ATXN1: variants seen among roughly 807,000 people sequenced by gnomAD.
ATXN1 encodes ataxin-1.
ATXN1 carries 8 observed loss-of-function variants against 56.4 expected under a neutral mutation model. The ratio of observed to expected loss-of-function variants is 0.14; its 90% confidence interval spans 0.08 to 0.26. The LOEUF (loss-of-function observed/expected upper bound fraction) is 0.26. ATXN1 is among the 10% of genes least tolerant of loss of function. The pLI is 1.00. For synonymous variants in ATXN1, 514 were observed against 494.6 expected (o/e 1.04, Z -0.52); for missense variants, 987 against 1,106.5 (o/e 0.89, Z 1.53).
intron 6 of ATXN1, among the ~76,000 whole-genome samples, chr6:16,388,395 A>G (rs150379512): frequency 6.6e-6 from 1 of 152,342 alleles, no homozygotes; most frequent in African/African-American, 2.4e-5. Context: ...ACTGAGGATC[A>G]AGTGGTGGTT....
At position 16,679,247 on chromosome 6, in the gene ATXN1, G is replaced by A. The variant is rs139728305; in HGVS notation, c.-614-21346C>T. ...GGATGAATAGATGGATGGATGGGTG[G>A]GTGGATGGATGGATGGATGAGTTAG... is the stretch of plus-strand genomic sequence containing the variant. On this transcript the variant is annotated intron_variant, in intron 2 of 7. Coordinates refer to ENST00000436367, the MANE Select transcript of ATXN1 (RefSeq NM_001128164.2). 3.7e-3 allele frequency among the ~76,000 whole-genome samples: 555 copies of A among 150,618 alleles called. 8 individuals carry two copies. Among genetic ancestry groups the A allele is most frequent in the African/African-American group, 0.013 (526 of 40,920 alleles).
At chr6:16,427,058 T>C (rs1389417198) in intron 6 of ATXN1, among the ~76,000 whole-genome samples, 1 of 152,116 alleles carries the variant, frequency 6.6e-6, no homozygotes, top group African/African-American at 2.4e-5. Context: ...GGAGGCATCT[T>C]TGTGGATGGA....
chr6:16,622,749 A>C (rs924357833), intron 3 of ATXN1, among the ~76,000 whole-genome samples: 2 of 152,184 alleles, frequency 1.3e-5, no homozygotes, highest in African/African-American at 4.8e-5. Flanking sequence ...CAGGGTACTT[A>C]GAAATTTCAT....
chr6:16,442,657 C>G (rs888808900), intron 6 of ATXN1, among the ~76,000 whole-genome samples: 46 of 152,234 alleles, frequency 3.0e-4, no homozygotes, highest in African/African-American at 1.0e-3. Flanking sequence ...AACCAATAAA[C>G]AACAGCTAAG....
intron 2 of ATXN1, among the ~76,000 whole-genome samples, chr6:16,710,105 G>T (rs984787871): frequency 2.6e-5 from 4 of 152,118 alleles, no homozygotes; most frequent in Non-Finnish European, 5.9e-5. Flanking sequence ...CTAACATCAT[G>T]ATGAAATAGT....
chr6:16,671,617 G>C (rs962277309), intron 2 of ATXN1, among the ~76,000 whole-genome samples: 1 of 152,002 alleles, frequency 6.6e-6, no homozygotes, highest in South Asian at 2.1e-4. Flanking sequence ...GATTAAAAAG[G>C]GACTCACAGA....
chr6:16,327,181 C>A lies in ATXN1; in HGVS notation c.1130G>T (p.Gly377Val). The A allele has an allele frequency of 6.2e-7, 1 of 1,613,924 alleles. No homozygotes were observed. Among genetic ancestry groups the A allele is most frequent in the Non-Finnish European group, 8.5e-7 (1 of 1,180,024 alleles). ...PSDYSSRDPSGVRASVMVLPN... is the reference protein window; with the variant it reads ...PSDYSSRDPSVVRASVMVLPN... Reference sequence around the variant, plus strand: ...CAGGACCATCACAGAGGCCCGGACCCCCGAAGGATCACGACTGCTGTAGTC... The same window carrying A: ...CAGGACCATCACAGAGGCCCGGACCACCGAAGGATCACGACTGCTGTAGTC... The change falls in exon 7 of 8, where the codon GGG (glycine) becomes GTG (valine). Residue 377 changes from glycine (G) to valine (V), a missense_variant. By Grantham distance (109) the Gly-to-Val change is moderately radical. Transcript: ENST00000436367.
intron 5 of ATXN1, among the ~76,000 whole-genome samples, chr6:16,521,102 G>T (rs1003354334): frequency 1.3e-5 from 2 of 152,064 alleles, no homozygotes; most frequent in Admixed American, 6.5e-5. Context: ...ACAATTTGAA[G>T]CCAGATTTAA....
At chr6:16,395,141 C>T (rs1038030625) in intron 6 of ATXN1, among the ~76,000 whole-genome samples, 3 of 151,914 alleles carry the variant, frequency 2.0e-5, no homozygotes, top group South Asian at 2.1e-4. Flanking sequence ...CATGGTGGCT[C>T]ATGCCTGTAA....
intron 6 of ATXN1, among the ~76,000 whole-genome samples, chr6:16,446,829 G>A (rs552907117): frequency 2.6e-5 from 4 of 152,258 alleles, no homozygotes; most frequent in African/African-American, 9.6e-5. Context: ...ACAGTTTGCT[G>A]AGCGTGTGGT....
At chr6:16,453,724 C>A (rs2113615816) in intron 6 of ATXN1, among the ~76,000 whole-genome samples, 2 of 152,284 alleles carry the variant, frequency 1.3e-5, no homozygotes, top group African/African-American at 4.8e-5. Flanking sequence ...TAGGTTACAA[C>A]AACAGCCCAA....
intron 5 of ATXN1, among the ~76,000 whole-genome samples, chr6:16,505,738 C>G (rs1760972002): frequency 1.3e-5 from 2 of 152,182 alleles, no homozygotes; most frequent in Non-Finnish European, 2.9e-5. Flanking sequence ...ATAGCACTCT[C>G]AGGGAGAACC....
chr6:16,576,597 C>A (rs1762426106), intron 4 of ATXN1, among the ~76,000 whole-genome samples: 1 of 152,160 alleles, frequency 6.6e-6, no homozygotes. Flanking sequence ...ACTTTAATTA[C>A]AATAGTAAAT....
intron 4 of ATXN1, among the ~76,000 whole-genome samples, chr6:16,528,226 G>A (rs894858416): frequency 6.6e-6 from 1 of 151,712 alleles, no homozygotes. Flanking sequence ...TCTTTAACCC[G>A]GGAGGTGGAG....
intron 4 of ATXN1, among the ~76,000 whole-genome samples, chr6:16,550,728 T>C (rs947046567): frequency 6.6e-6 from 1 of 152,234 alleles, no homozygotes; most frequent in Non-Finnish European, 1.5e-5. Flanking sequence ...TCAAGTTCTA[T>C]ACATTTTTTG....
intron 6 of ATXN1, among the ~76,000 whole-genome samples, chr6:16,352,584 T>A (rs1207125132): frequency 6.6e-6 from 1 of 152,062 alleles, no homozygotes; most frequent in South Asian, 2.1e-4. Flanking sequence ...AGCAAGGGAA[T>A]TTAAAGGAAA....
chr6:16,677,456 T>C (rs935309687), intron 2 of ATXN1, among the ~76,000 whole-genome samples: 13 of 152,232 alleles, frequency 8.5e-5, no homozygotes, highest in African/African-American at 3.1e-4. Flanking sequence ...CCATTGCTTA[T>C]TGAATTTTCT....
intron 7 of ATXN1, among the ~76,000 whole-genome samples, chr6:16,323,001 G>A (rs1014040276): frequency 3.9e-5 from 6 of 152,164 alleles, no homozygotes; most frequent in African/African-American, 1.2e-4. Flanking sequence ...ATAGCCACGC[G>A]GGGGCCAACC....
intron 5 of ATXN1, among the ~76,000 whole-genome samples, chr6:16,486,800 G>A (rs543201170): frequency 2.0e-5 from 3 of 152,086 alleles, no homozygotes; most frequent in South Asian, 4.2e-4. Context: ...TTTGGTACAC[G>A]GCTCCCTCAG....
Sources: allele counts gnomAD v4.1 joint callset (sites outside exome capture counted in the v4.1 genomes callset), GRCh38; gene constraint gnomAD v4.1.1; transcripts MANE v1.5; gene names NCBI Gene and HGNC (gene_info 2026-07-23, HGNC 2026-07-21).